TTC33: variants seen among roughly 807,000 people sequenced by gnomAD.
The protein encoded by TTC33 is tetratricopeptide repeat domain 33.
In TTC33, 24 loss-of-function variants were observed where a neutral mutation model predicts 29.4. That is an observed-to-expected ratio of 0.82 (90% CI 0.59 to 1.15). The LOEUF is 1.15. TTC33 is among the 50% of genes most tolerant of loss of function. The pLI, the probability that TTC33 is intolerant of heterozygous loss-of-function variation, is 0.00. For missense variants in TTC33, 286 were observed against 310.4 expected (o/e 0.92, Z 0.59); for synonymous variants, 107 against 100.3 (o/e 1.07, Z -0.40).
intron 1 of TTC33, among the ~76,000 whole-genome samples, chr5:40,755,265 A>G (rs1055933354): frequency 3.9e-5 from 6 of 152,220 alleles, no homozygotes; most frequent in Non-Finnish European, 8.8e-5. Flanking sequence ...AAACCACTAC[A>G]TGAACAAGAT....
intron 2 of TTC33, among the ~76,000 whole-genome samples, chr5:40,737,213 C>T (rs1742571313): frequency 6.6e-6 from 1 of 151,992 alleles, no homozygotes; most frequent in Admixed American, 6.6e-5. Flanking sequence ...ACAAGAATCA[C>T]TTGAACCTGG....
At chr5:40,721,429 T>C (rs984340053) in intron 4 of TTC33, among the ~76,000 whole-genome samples, 1 of 152,140 alleles carries the variant, frequency 6.6e-6, no homozygotes, top group Non-Finnish European at 1.5e-5. Flanking sequence ...TGGAACAGAA[T>C]AGACAGCCTA....
In TTC33 at chr5:40,726,112, A is replaced by C. The variant is rs536639723; in HGVS notation, c.435+2233T>G. ...AGCTTTCTTATTCTCTCATCCTTCCACTTCTTAAAATCTCATTCTCATAAA... is the reference window on the plus strand; with the variant it reads ...AGCTTTCTTATTCTCTCATCCTTCCCCTTCTTAAAATCTCATTCTCATAAA... On this transcript the variant is annotated intron_variant, in intron 4 of 4. Coordinates refer to ENST00000337702, the MANE Select transcript of TTC33 (RefSeq NM_012382.3). Among the ~76,000 whole-genome samples the C allele has an allele frequency of 4.0e-5, 6 of 150,026 alleles. No homozygotes were observed. In the East Asian group the frequency reaches 1.2e-3, roughly 29 times the overall value.
At chr5:40,732,358 C>G (rs2111901263) in intron 2 of TTC33, among the ~76,000 whole-genome samples, 1 of 151,878 alleles carries the variant, frequency 6.6e-6, no homozygotes, top group East Asian at 1.9e-4. Flanking sequence ...TGATGAGGAA[C>G]CAATGGTTGA....
At position 40,744,827 on chromosome 5, in the gene TTC33, C is replaced by T. The variant is rs190247500; in HGVS notation, c.221+1971G>A. Among the ~76,000 whole-genome samples, 431 of 152,176 alleles carry T rather than the reference C, an allele frequency of 2.8e-3. 1 individual carries two copies. Among genetic ancestry groups the T allele is most frequent in the Non-Finnish European group, 4.7e-3 (322 of 67,998 alleles). On this transcript the variant is annotated intron_variant, in intron 2 of 4. Transcript: ENST00000337702. ...ATAAAAATATGGCTCTCAACAGATA[C>T]CAAACACAGCAAAGAGACAGACATA...
chr5:40,730,195 A>G, intron 3 of TTC33, 67 bp downstream of exon 3: 1 of 1,231,342 alleles, frequency 8.1e-7, no homozygotes, highest in Non-Finnish European at 1.2e-6. Context: ...TTGCTTCATC[A>G]TTGCTCACTC....
At chr5:40,731,691 G>T (rs546976771) in intron 2 of TTC33, among the ~76,000 whole-genome samples, 27 of 152,292 alleles carry the variant, frequency 1.8e-4, no homozygotes, top group South Asian at 6.2e-4. Context: ...TTGACACGGG[G>T]ATTATTACAA....
intron 1 of TTC33, among the ~76,000 whole-genome samples, chr5:40,755,014 A>G (rs370808407): frequency 2.6e-4 from 39 of 152,276 alleles, no homozygotes; most frequent in East Asian, 2.5e-3. Context: ...ATGAGAGTAA[A>G]CCACAATCCA....
intron 4 of TTC33, among the ~76,000 whole-genome samples, chr5:40,719,166 A>G (rs1469417199): frequency 1.3e-5 from 2 of 152,156 alleles, no homozygotes; most frequent in Admixed American, 1.3e-4. Flanking sequence ...CAATTCTAGA[A>G]CATTTTTATC....
At chr5:40,725,255 G>A (rs2111883935) in intron 4 of TTC33, among the ~76,000 whole-genome samples, 1 of 151,294 alleles carries the variant, frequency 6.6e-6, no homozygotes, top group Admixed American at 6.6e-5. Context: ...CCAAAGTGCT[G>A]AGATTATACG....
At chr5:40,725,720 T>C (rs1039337794) in intron 4 of TTC33, among the ~76,000 whole-genome samples, 1 of 151,934 alleles carries the variant, frequency 6.6e-6, no homozygotes, top group African/African-American at 2.4e-5. Context: ...CCCTTATGTA[T>C]TCCTTTCTCA....
chr5:40,732,911 T>C (rs1371320985), intron 2 of TTC33, among the ~76,000 whole-genome samples: 1 of 152,040 alleles, frequency 6.6e-6, no homozygotes, highest in Non-Finnish European at 1.5e-5. Context: ...CCCGGCCTAA[T>C]ATAACAGATT....
rs116929174 is a variant in TTC33 at position 40,748,070 on chromosome 5, G to A, written c.-1-1051C>T. Among the ~76,000 whole-genome samples the A allele has an allele frequency of 4.7e-4, 71 of 152,176 alleles. 1 individual carries two copies. In the East Asian group the frequency reaches 0.012, roughly 27 times the overall value. On this transcript the variant is annotated intron_variant, in intron 1 of 4. Transcript: ENST00000337702. The stretch of plus-strand genomic sequence containing the variant: ...TCAAACTCCTGACCTTAGGAGATCC[G>A]CCCACCTCGGCCTCCCAAAGTTCTG...
rs565855816 is a variant in TTC33, at chr5:40,749,069, T to C, written c.-1-2050A>G. Among the ~76,000 whole-genome samples the C allele has an allele frequency of 6.6e-5, 10 of 152,236 alleles. No individual in the cohort carries two copies. In the South Asian group the frequency reaches 1.9e-3, roughly 28 times the overall value. On this transcript the variant is annotated intron_variant, in intron 1 of 4. Transcript: ENST00000337702. Reference sequence around the variant, plus strand: ...TGAACCCGGGAGGCGGAGGTTGCAGTGAGCCTGGGCAACAGAGCAAAACTC... The same window carrying C: ...TGAACCCGGGAGGCGGAGGTTGCAGCGAGCCTGGGCAACAGAGCAAAACTC...
intron 2 of TTC33, among the ~76,000 whole-genome samples, chr5:40,741,518 C>T (rs535485140): frequency 2.6e-4 from 40 of 152,306 alleles, no homozygotes; most frequent in African/African-American, 9.6e-4. Flanking sequence ...ACCTCATAGA[C>T]TTCTGGAGCT....
intron 4 of TTC33, among the ~76,000 whole-genome samples, chr5:40,722,814 G>A (rs974162902): frequency 6.6e-6 from 1 of 150,550 alleles, no homozygotes; most frequent in Admixed American, 6.6e-5. Context: ...CATCCGGGAG[G>A]TGGGGGGCGC....
At chr5:40,749,409 A>G (rs908966294) in intron 1 of TTC33, among the ~76,000 whole-genome samples, 3 of 152,192 alleles carry the variant, frequency 2.0e-5, no homozygotes, top group Non-Finnish European at 4.4e-5. Flanking sequence ...TATAACCACA[A>G]GGAGATTTTG....
At chr5:40,728,897 A>G (rs918754952) in intron 3 of TTC33, among the ~76,000 whole-genome samples, 3 of 152,190 alleles carry the variant, frequency 2.0e-5, no homozygotes, top group African/African-American at 7.2e-5. Context: ...TATGTTATAA[A>G]AAGTATTTAA....
intron 2 of TTC33, among the ~76,000 whole-genome samples, chr5:40,733,895 T>C (rs945557389): frequency 2.0e-5 from 3 of 152,158 alleles, no homozygotes; most frequent in African/African-American, 7.2e-5. Flanking sequence ...TGCATATACA[T>C]ACAAACAGAC....
Sources: gnomAD v4.1 joint callset for allele counts (sites outside exome capture counted in the v4.1 genomes callset) on GRCh38, gnomAD v4.1.1 for gene constraint, MANE v1.5 for transcripts, NCBI Gene and HGNC (gene_info 2026-07-23, HGNC 2026-07-21) for gene names.